Variants in CCDC50 observed in about 807,000 individuals in gnomAD.
The protein encoded by CCDC50 is coiled-coil domain-containing protein 50.
CCDC50 carries 54 observed loss-of-function variants against 70.2 expected under a neutral mutation model. The ratio of observed to expected loss-of-function variants is 0.77; its 90% CI spans 0.62 to 0.96. The LOEUF (loss-of-function observed/expected upper bound fraction) is 0.96. Among genes scored for constraint, CCDC50 ranks in the 50% least tolerant of loss-of-function variants. The pLI, the probability that CCDC50 is intolerant of heterozygous loss-of-function variation, is 0.00. For missense variants in CCDC50, 558 were observed against 578.7 expected (o/e 0.96, Z 0.37); for synonymous variants, 216 against 198.8 (o/e 1.09, Z -0.73).
chr3:191,379,234 G>T (rs1342088153), intron 6 of CCDC50, among the ~76,000 whole-genome samples: 1 of 151,958 alleles, frequency 6.6e-6, no homozygotes, highest in East Asian at 1.9e-4. Context: ...TAGAATCTGT[G>T]GGGGTTGGGG....
chr3:191,365,239 A>G (rs374077723), intron 4 of CCDC50, among the ~76,000 whole-genome samples: 11 of 151,906 alleles, frequency 7.2e-5, no homozygotes, highest in African/African-American at 2.2e-4. Context: ...GAAGCCCTTT[A>G]TAGTATAAAC....
chr3:191,386,471 C>T (rs148287345), intron 10 of CCDC50, among the ~76,000 whole-genome samples: 245 of 152,154 alleles, frequency 1.6e-3, no homozygotes, highest in African/African-American at 5.0e-3. Context: ...GTGATCTGCC[C>T]GCCTCGGCCT....
At chr3:191,353,887 G>A (rs1712185985) in intron 1 of CCDC50, among the ~76,000 whole-genome samples, 1 of 151,940 alleles carries the variant, frequency 6.6e-6, no homozygotes, top group Admixed American at 6.6e-5. Flanking sequence ...TCTAGCTCAG[G>A]CCCTCCTCAT....
intron 10 of CCDC50, among the ~76,000 whole-genome samples, chr3:191,386,472 G>A (rs1450781633): frequency 6.6e-6 from 1 of 152,024 alleles, no homozygotes; most frequent in African/African-American, 2.4e-5. Flanking sequence ...TGATCTGCCC[G>A]CCTCGGCCTC....
At chr3:191,376,889 T>C (rs1456636947) in intron 6 of CCDC50, among the ~76,000 whole-genome samples, 1 of 152,140 alleles carries the variant, frequency 6.6e-6, no homozygotes, top group Non-Finnish European at 1.5e-5. Flanking sequence ...GGAAGAATGA[T>C]GTACACTGAC....
chr3:191,370,951 C>A (rs1018401107), intron 5 of CCDC50, among the ~76,000 whole-genome samples: 3 of 152,096 alleles, frequency 2.0e-5, no homozygotes, highest in African/African-American at 7.2e-5. Context: ...GTCGATGAGT[C>A]TCTGGACTTA....
At chr3:191,353,884 C>A (rs1274206434) in intron 1 of CCDC50, among the ~76,000 whole-genome samples, 2 of 152,104 alleles carry the variant, frequency 1.3e-5, no homozygotes, top group Admixed American at 6.6e-5. Context: ...CCTTCTAGCT[C>A]AGGCCCTCCT....
chr3:191,351,661 G>C (rs1712110827), intron 1 of CCDC50, among the ~76,000 whole-genome samples: 1 of 141,344 alleles, frequency 7.1e-6, no homozygotes, highest in Non-Finnish European at 1.6e-5. Context: ...AATGCAAGAA[G>C]AGAAAAAATA....
Position 191,376,599 on chromosome 3 carries a change from A to T in CCDC50, c.976+1010A>T, listed in dbSNP as rs114919818. 3.4e-3 allele frequency among the ~76,000 whole-genome samples: 510 copies of T among 152,204 alleles called. 4 individuals carry two copies. Among genetic ancestry groups the T allele is most frequent in the African/African-American group, 0.012 (488 of 41,552 alleles). On this transcript the variant is annotated intron_variant, in intron 6 of 11. Coordinates refer to ENST00000392455, the MANE Select transcript of CCDC50 (RefSeq NM_178335.3). ...GGTTTTTCCTGTCATGTTATTTCTT[A>T]TTGAAGGACTTGGTTATGCAGAAAA...
At chr3:191,342,243 C>G (rs371388587) in intron 1 of CCDC50, among the ~76,000 whole-genome samples, 1 of 152,190 alleles carries the variant, frequency 6.6e-6, no homozygotes, top group African/African-American at 2.4e-5. Flanking sequence ...GCCAGTATTG[C>G]AGTTTGCTTT....
rs1192672469 is a variant in CCDC50 at position 191,353,616 on chromosome 3, G to T, written c.50-3472G>T. 2.1e-5 allele frequency among the ~76,000 whole-genome samples: 3 copies of T among 142,134 alleles called. 1 individual carries two copies. The highest frequency in any genetic ancestry group is 4.8e-5 in the Non-Finnish European group (3 of 63,076). 93.2% of individuals were successfully genotyped at this position (142,134 alleles called of 152,430 possible). A position where few individuals can be genotyped will look rare whatever the true frequency, so the allele number is the denominator to read the frequency against. ...CTCAATCTGGTTACTGATTTACAAA[G>T]TTGACTGAATATGTGATTGTTTTCC... On this transcript the variant is annotated intron_variant, in intron 1 of 11. Transcript: ENST00000392455.
intron 1 of CCDC50, among the ~76,000 whole-genome samples, chr3:191,339,433 A>G (rs1470138446): frequency 6.6e-6 from 1 of 152,136 alleles, no homozygotes; most frequent in Non-Finnish European, 1.5e-5. Context: ...TATAGCAGAA[A>G]AGGATTTGGA....
intron 5 of CCDC50, chr3:191,370,291 G>A: frequency 2.7e-6 from 1 of 371,978 alleles, no homozygotes; most frequent in South Asian, 2.1e-5. Context: ...AGATACATGT[G>A]CCATGTTGGT....
In CCDC50 at chr3:191,396,366, A is replaced by C. The variant is rs1241185065; in HGVS notation, c.*4606A>C. Reference sequence around the variant, plus strand: ...AAGCTTTGGACCTTTTCTGCCACTGACTTGTGGCTGATCTGTAACACAATA... The same window carrying C: ...AAGCTTTGGACCTTTTCTGCCACTGCCTTGTGGCTGATCTGTAACACAATA... On this transcript the variant is annotated 3_prime_UTR_variant, in exon 12 of 12. Transcript: ENST00000392455. 2.0e-5 allele frequency: 3 copies of C among 152,172 alleles called. No individual in the cohort carries two copies. Among genetic ancestry groups the C allele is most frequent in the African/African-American group, 7.2e-5 (3 of 41,452 alleles). 9.4% of individuals were successfully genotyped at this position (152,172 alleles called of 1,614,324 possible).
intron 6 of CCDC50, among the ~76,000 whole-genome samples, chr3:191,375,893 A>T (rs1015936908): frequency 3.9e-5 from 6 of 152,154 alleles, no homozygotes; most frequent in African/African-American, 1.2e-4. Flanking sequence ...GAGACTGTGT[A>T]TCAGAGATTC....
intron 1 of CCDC50, among the ~76,000 whole-genome samples, chr3:191,346,812 T>G (rs1251044169): frequency 6.6e-6 from 1 of 152,138 alleles, no homozygotes; most frequent in African/African-American, 2.4e-5. Context: ...TCCAGATGAT[T>G]GCTTGGACAA....
chr3:191,368,051 C>CT (rs941025900), intron 4 of CCDC50, among the ~76,000 whole-genome samples: 3 of 151,002 alleles, frequency 2.0e-5, no homozygotes, highest in South Asian at 4.2e-4. Flanking sequence ...AGACATTTGG[C>CT]TTTTTTTTTA....
At chr3:191,365,335 A>C (rs935103835) in intron 4 of CCDC50, among the ~76,000 whole-genome samples, 5 of 151,946 alleles carry the variant, frequency 3.3e-5, no homozygotes, top group Admixed American at 2.0e-4. Context: ...CACTCTTTAA[A>C]AAGATTAGAA....
intron 10 of CCDC50, among the ~76,000 whole-genome samples, chr3:191,384,308 AT>A (rs1713416724): frequency 6.6e-6 from 1 of 152,190 alleles, no homozygotes; most frequent in Admixed American, 6.5e-5. Flanking sequence ...AAAATGAGGA[AT>A]TTTATGAAAC....
Sources: allele counts gnomAD v4.1 joint callset (sites outside exome capture counted in the v4.1 genomes callset), GRCh38; gene constraint gnomAD v4.1.1; transcripts MANE v1.5; gene names NCBI Gene and HGNC (gene_info 2026-07-23, HGNC 2026-07-21).